Variants in DMXL1 observed in about 807,000 individuals in gnomAD.
DMXL1 encodes the protein Dmx like 1, also known as dmX-like protein 1.
A neutral mutation model predicts 319.2 loss-of-function variants in DMXL1; 99 were observed. The ratio of observed to expected loss-of-function variants is 0.31; its 90% CI spans 0.26 to 0.37. The LOEUF is 0.37. DMXL1 is among the 10% of genes least tolerant of loss of function. DMXL1 has a pLI of 1.00. For missense variants in DMXL1, 3,745 were observed against 3,595.6 expected (o/e 1.04, Z -1.06); for synonymous variants, 1,385 against 1,235.2 (o/e 1.12, Z -2.54).
At position 119,196,391 on chromosome 5, in the gene DMXL1, C is replaced by T. The variant is rs201845717; in HGVS notation, c.7478C>T (p.Ala2493Val). The change falls in exon 31 of 44, where the codon GCG (alanine) becomes GTG (valine). Residue 2493 changes from alanine (A) to valine (V), a missense_variant. Ala to Val is a moderately conservative substitution (Grantham distance 64). Around this residue, in one of 4 missense-constraint regions of DMXL1, gnomAD observed 1,382 missense variants for 1,269.5 expected, o/e 1.09. Transcript: ENST00000539542. ...NSYSWSLMRLAMVQLVLNNLK... is the reference protein window; with the variant it reads ...NSYSWSLMRLVMVQLVLNNLK... ...TTTAGTTGGTCCTTGATGCGGTTGG[C>T]GATGGTGCAATTGGTGCTCAACAAT... 77 of 1,613,496 alleles carry T rather than the reference C, an allele frequency of 4.8e-5. No homozygotes were observed. The highest frequency in any genetic ancestry group is 8.9e-5 in the East Asian group (4 of 44,864).
chr5:119,124,317 C>CAA (rs527305652), intron 9 of DMXL1, among the ~76,000 whole-genome samples: 88 of 92,334 alleles, frequency 9.5e-4, no homozygotes, highest in African/African-American at 2.7e-3. Context: ...GACTCCATCT[C>CAA]AAAAAAAAAA....
intron 1 of DMXL1, among the ~76,000 whole-genome samples, chr5:119,081,351 A>G (rs1237045302): frequency 6.6e-6 from 1 of 152,034 alleles, no homozygotes; most frequent in African/African-American, 2.4e-5. Flanking sequence ...CAGAAATAGC[A>G]CTCTTCCTTG....
chr5:119,153,217 T>C (rs565557760), intron 19 of DMXL1, among the ~76,000 whole-genome samples: 7 of 152,318 alleles, frequency 4.6e-5, no homozygotes, highest in African/African-American at 1.7e-4. Flanking sequence ...CCTCAAGCAA[T>C]CCACCTGCCT....
At position 119,122,439 on chromosome 5, in the gene DMXL1, G is replaced by A. The variant is rs1388695849; in HGVS notation, c.1102+1300G>A. ...GATGGGGCAGCTGGCCGGGCGGGGG[G>A]CTAACCCCCCCCACCTCCCTCCCAG... On this transcript the variant is annotated intron_variant, in intron 9 of 43. Coordinates refer to ENST00000539542, the MANE Select transcript of DMXL1 (RefSeq NM_001290321.3). Among the ~76,000 whole-genome samples the A allele has an allele frequency of 2.0e-5, 3 of 151,418 alleles. No homozygotes were observed. In the East Asian group the frequency reaches 5.9e-4, roughly 30 times the overall value.
intron 34 of DMXL1, among the ~76,000 whole-genome samples, chr5:119,212,612 C>T (rs778309931): frequency 2.0e-4 from 31 of 152,146 alleles, no homozygotes; most frequent in Non-Finnish European, 4.3e-4. Context: ...AGTTTTTGAT[C>T]TGCATAATCT....
chr5:119,114,178 T>A (rs950062044), intron 5 of DMXL1, among the ~76,000 whole-genome samples: 21 of 152,214 alleles, frequency 1.4e-4, no homozygotes, highest in Non-Finnish European at 2.5e-4. Flanking sequence ...AACTAGATTT[T>A]CAGATTTAAA....
At chr5:119,196,339 A>T (rs6595178) in intron 30 of DMXL1, 32 bp from the exon 31 acceptor site, 2 of 1,544,720 alleles carry the variant, frequency 1.3e-6, no homozygotes, top group East Asian at 4.5e-5. Context: ...CTATAGAAAT[A>T]GTTAACAGAT....
intron 2 of DMXL1, among the ~76,000 whole-genome samples, chr5:119,098,315 G>C (rs1427736600): frequency 6.6e-6 from 1 of 152,120 alleles, no homozygotes; most frequent in Admixed American, 6.5e-5. Flanking sequence ...CATCTTCTCT[G>C]AGAAAGAAAT....
chr5:119,223,663 G>A (rs1175717382), intron 37 of DMXL1, among the ~76,000 whole-genome samples: 1 of 152,044 alleles, frequency 6.6e-6, no homozygotes, highest in African/African-American at 2.4e-5. Flanking sequence ...GAATAAGGTT[G>A]TTCTTTTTTA....
intron 6 of DMXL1, among the ~76,000 whole-genome samples, chr5:119,115,527 T>A (rs896062102): frequency 1.3e-5 from 2 of 152,152 alleles, no homozygotes; most frequent in Non-Finnish European, 2.9e-5. Context: ...AAAACCACAG[T>A]AAGGTTTTTG....
At chr5:119,078,302 C>T (rs1751445131) in intron 1 of DMXL1, among the ~76,000 whole-genome samples, 1 of 152,070 alleles carries the variant, frequency 6.6e-6, no homozygotes, top group African/African-American at 2.4e-5. Context: ...TTTATTTTCA[C>T]AAACTTTCTA....
chr5:119,089,305 T>TTTC (rs1754148982), intron 1 of DMXL1, among the ~76,000 whole-genome samples: 1 of 102,024 alleles, frequency 9.8e-6, no homozygotes, highest in Admixed American at 1.1e-4. Flanking sequence ...TTTTTTTTTT[T>TTTC]TTTTTTTTTT....
At position 119,197,916 on chromosome 5, in the gene DMXL1, C is replaced by T. The variant is rs998156206; in HGVS notation, c.7705C>T (p.Arg2569Cys). The change falls in exon 32 of 44, where the codon CGC becomes TGC. Residue 2569 changes from arginine (R) to cysteine (C), a missense_variant. Physicochemically the swap from Arg to Cys is radical, Grantham distance 180. Coordinates refer to ENST00000539542, the MANE Select transcript of DMXL1 (RefSeq NM_001290321.3). ...ESLSAGPAIL[R>C]HKALLEPTNT... The stretch of plus-strand genomic sequence containing the variant: ...TTTGTCTGCAGGTCCTGCAATTCTT[C>T]GCCACAAAGCTTTACTGGAACCTAC... 1.7e-5 allele frequency: 27 copies of T among 1,614,052 alleles called. No homozygotes were observed. Among genetic ancestry groups the T allele is most frequent in the Middle Eastern group, 1.6e-4 (1 of 6,082 alleles).
Position 119,149,641 on chromosome 5 carries a change from A to C in DMXL1, c.3814A>C (p.Ser1272Arg), listed in dbSNP as rs778263919. 6.2e-7 allele frequency: 1 copy of C among 1,613,890 alleles called. No homozygotes were observed. The highest frequency in any genetic ancestry group is 1.1e-5 in the South Asian group (1 of 91,084). ...AAGTTTAATAAAACAGAGTAACTCC[A>C]GTTCTGGGTTACATCCTCCAAAGAA... is the stretch of plus-strand genomic sequence containing the variant. ...ITSLIKQSNS[S>R]SGLHPPKKTL... Residue 1272 changes from serine to arginine, a missense_variant, in exon 18 of 44, where the codon AGT becomes CGT. Ser to Arg is a moderately radical substitution (Grantham distance 110). Coordinates refer to ENST00000539542, the MANE Select transcript of DMXL1 (RefSeq NM_001290321.3).
At chr5:119,083,923 T>C (rs6888039) in intron 1 of DMXL1, among the ~76,000 whole-genome samples, 4,863 of 152,320 alleles carry the variant, frequency 0.032, 242 homozygotes, top group African/African-American at 0.11. Flanking sequence ...ACCAGGGTTC[T>C]CCTTTCTCTG....
chr5:119,218,374 C>G (rs1036371594), intron 35 of DMXL1, among the ~76,000 whole-genome samples: 14 of 152,138 alleles, frequency 9.2e-5, no homozygotes, highest in African/African-American at 3.1e-4. Context: ...CTACAAGTTA[C>G]TGTCTATGAA....
At chr5:119,181,575 A>C (rs1174949555) in intron 28 of DMXL1, among the ~76,000 whole-genome samples, 1 of 152,220 alleles carries the variant, frequency 6.6e-6, no homozygotes, top group Non-Finnish European at 1.5e-5. Context: ...TAATCCCAGC[A>C]TTTTGGGAGG....
chr5:119,101,736 G>A (rs1056193985), intron 2 of DMXL1, among the ~76,000 whole-genome samples, 199 bp from the exon 3 acceptor site: 1 of 152,170 alleles, frequency 6.6e-6, no homozygotes, highest in African/African-American at 2.4e-5. Context: ...GAGAGATTAA[G>A]TTGCTAGTTA....
rs1371450523 is a variant in DMXL1 at position 119,170,593 on chromosome 5, T to G, written c.5802T>G (p.Ser1934=). The change falls in exon 24 of 44, where the codon TCT becomes TCG. Residue 1934 remains serine (S), a synonymous_variant. Coordinates refer to ENST00000539542, the MANE Select transcript of DMXL1 (RefSeq NM_001290321.3). ...WSQSLINGFG[S]SSEGSSEKQS... ...AGTCACTGATAAATGGTTTTGGATC[T>G]TCTTCAGAGGGTTCCTCAGAGAAGC... 2 of 1,613,812 alleles carry G rather than the reference T, an allele frequency of 1.2e-6. No individual in the cohort carries two copies. Among genetic ancestry groups the G allele is most frequent in the Non-Finnish European group, 1.7e-6 (2 of 1,179,944 alleles).
Sources: allele counts gnomAD v4.1 joint callset (sites outside exome capture counted in the v4.1 genomes callset), GRCh38; gene constraint gnomAD v4.1.1; regional missense constraint gnomAD v4.1.1; transcripts MANE v1.5; gene names NCBI Gene and HGNC (gene_info 2026-07-23, HGNC 2026-07-21).